KIF6: variants seen among roughly 807,000 people sequenced by gnomAD.
KIF6 encodes kinesin-like protein KIF6.
Under a neutral mutation model 112.7 loss-of-function variants are expected in KIF6, and 106 were observed. The ratio of observed to expected loss-of-function variants is 0.94; its 90% CI spans 0.80 to 1.11. The LOEUF (loss-of-function observed/expected upper bound fraction) is 1.11, where lower values mean the gene tolerates loss of function less well. Ranked by LOEUF, KIF6 falls within the 50% of genes least tolerant of loss-of-function variation. KIF6 has a pLI of 0.00. For missense variants in KIF6, 929 were observed against 964.0 expected, an observed-to-expected ratio of 0.96 and a Z score of 0.48; for synonymous variants, 339 against 339.9, an observed-to-expected ratio of 1.00 and a Z score of 0.03.
At chr6:39,717,855 C>A (rs1307290769) in intron 2 of KIF6, among the ~76,000 whole-genome samples, 1 of 152,054 alleles carries the variant, frequency 6.6e-6, no homozygotes, top group East Asian at 1.9e-4. Context: ...ATATTAAAAC[C>A]ATTATTTTCA....
chr6:39,600,470 A>G (rs1782511685), intron 6 of KIF6, among the ~76,000 whole-genome samples: 1 of 152,218 alleles, frequency 6.6e-6, no homozygotes, highest in African/African-American at 2.4e-5. Context: ...GCATGAAATG[A>G]GAAAAGCAAA....
At chr6:39,439,728 C>A (rs73424684) in intron 13 of KIF6, among the ~76,000 whole-genome samples, 2,630 of 152,062 alleles carry the variant, frequency 0.017, 79 homozygotes, top group African/African-American at 0.059. Context: ...AAATTCAGTT[C>A]CTTATTTTGC....
At chr6:39,533,777 C>T (rs1350340450) in intron 13 of KIF6, among the ~76,000 whole-genome samples, 1 of 152,242 alleles carries the variant, frequency 6.6e-6, no homozygotes, top group Non-Finnish European at 1.5e-5. Flanking sequence ...TCCCTGACCC[C>T]TGACTCCCGA....
chr6:39,568,009 G>T (rs1206586502), intron 10 of KIF6, among the ~76,000 whole-genome samples: 1 of 152,114 alleles, frequency 6.6e-6, no homozygotes, highest in African/African-American at 2.4e-5. Context: ...AGCCAGAGGG[G>T]GCCTGAGCGC....
chr6:39,343,843 C>G lies in KIF6; in HGVS notation c.2322-28G>C, dbSNP rs1215470561. On this transcript the variant is annotated intron_variant, in intron 21 of 22. Coordinates refer to ENST00000287152, the MANE Select transcript of KIF6 (RefSeq NM_145027.6). The surrounding 1 kb of genome is among the most constrained non-coding windows in gnomAD (Gnocchi z 4.1). ...GGAGGCAACCACGTGTCACATTTTA[C>G]TACACTTTACAACTGGACTCACCAC... is the stretch of plus-strand genomic sequence containing the variant. The G allele has an allele frequency of 1.6e-5, 22 of 1,365,960 alleles. No homozygotes were observed. The highest frequency in any genetic ancestry group is 2.3e-5 in the Non-Finnish European group (22 of 974,308). 84.6% of individuals were successfully genotyped at this position (1,365,960 alleles called of 1,614,324 possible). A position where few individuals can be genotyped will look rare whatever the true frequency, so the allele number is the denominator to read the frequency against.
chr6:39,441,766 G>A (rs1206164582), intron 13 of KIF6, among the ~76,000 whole-genome samples: 1 of 152,220 alleles, frequency 6.6e-6, no homozygotes, highest in Non-Finnish European at 1.5e-5. Flanking sequence ...GAATGGGCTA[G>A]TGCCCCAAGG....
intron 15 of KIF6, among the ~76,000 whole-genome samples, chr6:39,399,580 G>A (rs1366036172): frequency 1.3e-5 from 2 of 152,208 alleles, no homozygotes; most frequent in Non-Finnish European, 2.9e-5. Context: ...CAGAGTTTTG[G>A]AAAACAAACT....
intron 15 of KIF6, among the ~76,000 whole-genome samples, chr6:39,398,154 A>T (rs1387571095): frequency 6.6e-6 from 1 of 152,096 alleles, no homozygotes; most frequent in African/African-American, 2.4e-5. Flanking sequence ...ATTTGTAGGG[A>T]CTTTTATAGG....
rs765063437 is a variant in KIF6 at position 39,725,298 on chromosome 6, T to C, written c.13A>G (p.Thr5Ala). Residue 5 changes from threonine to alanine, a missense_variant, in exon 1 of 23, where the codon ACT becomes GCT. This residue lies in a region of KIF6 where 688 missense variants were observed against 662.7 expected (regional missense o/e 1.04). Transcript: ENST00000287152. MVKQTIQIFARVKPP... is the reference protein window; with the variant it reads MVKQAIQIFARVKPP... The stretch of plus-strand genomic sequence containing the variant: ...TTCACCCTCGCGAATATCTGGATAG[T>C]CTGCTTCACCATCTCCTCCCTGGCT... 1 of 1,610,616 alleles carries C rather than the reference T, an allele frequency of 6.2e-7. No individual in the cohort carries two copies. The highest frequency in any genetic ancestry group is 1.1e-5 in the South Asian group (1 of 90,494).
intron 2 of KIF6, among the ~76,000 whole-genome samples, chr6:39,716,548 T>G (rs1789865235): frequency 6.6e-6 from 1 of 152,206 alleles, no homozygotes; most frequent in South Asian, 2.1e-4. Context: ...TCAGCTGTCT[T>G]CTGAAAACCA....
intron 7 of KIF6, among the ~76,000 whole-genome samples, chr6:39,591,654 G>A (rs1432923307): frequency 1.3e-5 from 2 of 152,170 alleles, no homozygotes; most frequent in Admixed American, 6.5e-5. Flanking sequence ...AATACTATAA[G>A]CCCAGCCCAC....
rs1247539768 is a variant in KIF6, at chr6:39,378,910, C to T, written c.1861+6712G>A. ...AGTACCCGGATCCTATTATCTTGGC[C>T]GCTCACATAAACGCTTTCAGTGAGC... is the stretch of plus-strand genomic sequence containing the variant. On this transcript the variant is annotated intron_variant, in intron 16 of 22. Coordinates refer to ENST00000287152, the MANE Select transcript of KIF6 (RefSeq NM_145027.6). The surrounding 1 kb of genome is among the most constrained non-coding windows in gnomAD (Gnocchi z 5.0). 2.6e-5 allele frequency among the ~76,000 whole-genome samples: 4 copies of T among 152,112 alleles called. No individual in the cohort carries two copies. Among genetic ancestry groups the T allele is most frequent in the Admixed American group, 6.5e-5 (1 of 15,274 alleles).
At chr6:39,380,528 C>T (rs945989831) in intron 16 of KIF6, among the ~76,000 whole-genome samples, 1 of 152,138 alleles carries the variant, frequency 6.6e-6, no homozygotes, top group African/African-American at 2.4e-5. Flanking sequence ...AGCACATGCA[C>T]AGTCACGCGT....
chr6:39,478,253 C>G (rs1014985992), intron 13 of KIF6, among the ~76,000 whole-genome samples: 1 of 152,144 alleles, frequency 6.6e-6, no homozygotes, highest in Non-Finnish European at 1.5e-5. Flanking sequence ...GCCTTTGTAT[C>G]CTCATAGCTT....
chr6:39,396,404 C>T (rs1768270512), intron 15 of KIF6, among the ~76,000 whole-genome samples: 1 of 152,148 alleles, frequency 6.6e-6, no homozygotes, highest in African/African-American at 2.4e-5. Flanking sequence ...CCAAGGGAGC[C>T]AACGGGGGCC....
Position 39,725,293 on chromosome 6 carries a change from G to C in KIF6, c.18C>G (p.Ile6Met). 2 of 1,610,866 alleles carry C rather than the reference G, an allele frequency of 1.2e-6. No homozygotes were observed. Among genetic ancestry groups the C allele is most frequent in the Middle Eastern group, 1.7e-4 (1 of 6,052 alleles). MVKQT[I>M]QIFARVKPPV... Reference sequence around the variant, plus strand: ...GGGGCTTCACCCTCGCGAATATCTGGATAGTCTGCTTCACCATCTCCTCCC... The same window carrying C: ...GGGGCTTCACCCTCGCGAATATCTGCATAGTCTGCTTCACCATCTCCTCCC... The change falls in exon 1 of 23, where the codon ATC becomes ATG. Residue 6 changes from isoleucine to methionine, a missense_variant. Ile to Met is a conservative substitution (Grantham distance 10). Coordinates refer to ENST00000287152, the MANE Select transcript of KIF6 (RefSeq NM_145027.6).
chr6:39,422,015 T>C (rs533211649), intron 14 of KIF6, among the ~76,000 whole-genome samples: 76 of 152,302 alleles, frequency 5.0e-4, no homozygotes, highest in African/African-American at 1.7e-3. Context: ...CTAGGATTCA[T>C]AGGATCTGAC....
intron 13 of KIF6, among the ~76,000 whole-genome samples, chr6:39,492,733 G>T (rs1208015704): frequency 6.6e-6 from 1 of 152,170 alleles, no homozygotes; most frequent in Admixed American, 6.5e-5. Context: ...TGTGTGGGGT[G>T]GTAACTTATA....
intron 5 of KIF6, among the ~76,000 whole-genome samples, chr6:39,627,513 T>G (rs1025892944): frequency 6.6e-6 from 1 of 152,204 alleles, no homozygotes; most frequent in African/African-American, 2.4e-5. Context: ...TGAATTCACA[T>G]GACTGGACTG....
Sources: allele counts gnomAD v4.1 joint callset (sites outside exome capture counted in the v4.1 genomes callset), GRCh38; gene constraint gnomAD v4.1.1; regional missense constraint gnomAD v4.1.1; non-coding constraint Gnocchi (gnomAD v3.1); transcripts MANE v1.5; gene names NCBI Gene and HGNC (gene_info 2026-07-23, HGNC 2026-07-21).